Variants in UBE2G2 observed in about 807,000 individuals in gnomAD.
The protein encoded by UBE2G2 is ubiquitin conjugating enzyme E2 G2.
UBE2G2 carries 10 observed loss-of-function variants against 23.0 expected under a neutral mutation model. The ratio of observed to expected loss-of-function variants is 0.43; its 90% CI spans 0.27 to 0.74. UBE2G2 has a LOEUF of 0.74. Ranked by LOEUF, UBE2G2 falls within the 30% of genes least tolerant of loss-of-function variation. UBE2G2 has a pLI of 0.19. For missense variants in UBE2G2, 150 were observed against 218.3 expected, an observed-to-expected ratio of 0.69 and a Z score of 1.97; for synonymous variants, 86 against 81.3, an observed-to-expected ratio of 1.06 and a Z score of -0.31.
chr21:44,788,298 G>T (rs71322591), intron 1 of UBE2G2, among the ~76,000 whole-genome samples: 54,296 of 135,790 alleles, frequency 0.4, 11,953 homozygotes, highest in Non-Finnish European at 0.48. Context: ...TTTTTTTTTT[G>T]TTTTTTTTTG....
chr21:44,775,958 C>T (rs1555960534), intron 4 of UBE2G2, among the ~76,000 whole-genome samples: 1 of 152,204 alleles, frequency 6.6e-6, no homozygotes, highest in South Asian at 2.1e-4. Context: ...GCACACAAGA[C>T]TGAAGCAGCT....
At chr21:44,773,509 T>A (rs782192244) in intron 5 of UBE2G2, 38 bp downstream of exon 5, 1 of 1,587,612 alleles carries the variant, frequency 6.3e-7, no homozygotes, top group East Asian at 2.3e-5. Flanking sequence ...GCAGCCTGGG[T>A]GTCCACGGCA....
At chr21:44,784,473 T>C (rs1320082863) in intron 3 of UBE2G2, among the ~76,000 whole-genome samples, 2 of 152,210 alleles carry the variant, frequency 1.3e-5, no homozygotes, top group Non-Finnish European at 2.9e-5. Context: ...TTTGTGACAC[T>C]TTTGTTGAAG....
chr21:44,801,328 A>T, intron 1 of UBE2G2: 1 of 1,067,802 alleles, frequency 9.4e-7, no homozygotes, highest in Non-Finnish European at 1.1e-6. Context: ...TAACGCATAC[A>T]CTTTTCCCTC....
chr21:44,787,007 G>A (rs2083001204), intron 3 of UBE2G2, among the ~76,000 whole-genome samples: 1 of 151,686 alleles, frequency 6.6e-6, no homozygotes, highest in Non-Finnish European at 1.5e-5. Flanking sequence ...CAGGAGAATC[G>A]CTTGAACCCA....
At chr21:44,801,534 G>T in intron 1 of UBE2G2, 172 bp downstream of exon 1, 2 of 1,129,946 alleles carry the variant, frequency 1.8e-6, no homozygotes, top group Non-Finnish European at 2.3e-6. Context: ...TCACGCGTGA[G>T]AGTGGGCAGC....
chr21:44,790,894 TAGA>T (rs1341718248), intron 1 of UBE2G2, among the ~76,000 whole-genome samples: 5 of 152,226 alleles, frequency 3.3e-5, no homozygotes, highest in Non-Finnish European at 5.9e-5. Context: ...TTGAAGGGCT[TAGA>T]AGAAGGAAGA....
chr21:44,780,785 G>A (rs2146390531), intron 3 of UBE2G2, among the ~76,000 whole-genome samples: 1 of 152,312 alleles, frequency 6.6e-6, no homozygotes, highest in South Asian at 2.1e-4. Context: ...CAACAGTGTG[G>A]GTCACTTATA....
intron 1 of UBE2G2, among the ~76,000 whole-genome samples, chr21:44,792,043 T>C (rs1180775786): frequency 1.3e-5 from 2 of 152,246 alleles, no homozygotes; most frequent in Non-Finnish European, 2.9e-5. Flanking sequence ...TGTAGCCCTT[T>C]GTTTTGGCCA....
intron 4 of UBE2G2, chr21:44,774,399 T>C (rs1376608730): frequency 5.8e-6 from 1 of 171,920 alleles, no homozygotes; most frequent in Non-Finnish European, 1.2e-5. Flanking sequence ...GCTCCATATA[T>C]ACTCAGATAT....
At chr21:44,780,468 T>C (rs951833541) in intron 3 of UBE2G2, among the ~76,000 whole-genome samples, 19 of 152,228 alleles carry the variant, frequency 1.2e-4, no homozygotes, top group African/African-American at 4.3e-4. Flanking sequence ...GACACAAATA[T>C]ATCCAAAGCA....
At chr21:44,783,745 T>C (rs1246137341) in intron 3 of UBE2G2, among the ~76,000 whole-genome samples, 2 of 152,186 alleles carry the variant, frequency 1.3e-5, no homozygotes, top group East Asian at 3.8e-4. Context: ...AAGAATCTTT[T>C]TGGAAATGTT....
intron 1 of UBE2G2, among the ~76,000 whole-genome samples, chr21:44,796,612 T>C (rs1350129364): frequency 1.3e-5 from 2 of 152,248 alleles, no homozygotes; most frequent in Non-Finnish European, 2.9e-5. Context: ...AATAACACAC[T>C]GTATTCATCT....
intron 1 of UBE2G2, chr21:44,800,963 C>G (rs1488699087): frequency 1.3e-5 from 2 of 152,218 alleles, no homozygotes; most frequent in African/African-American, 4.8e-5. Context: ...AGCAGAGAGG[C>G]CGGGTCTGAA....
In UBE2G2 at chr21:44,771,573, C is replaced by G. The variant is rs961062444; in HGVS notation, c.386-84G>C. 2.2e-5 allele frequency: 30 copies of G among 1,373,512 alleles called. No individual in the cohort carries two copies. The Admixed American group carries it at 3.5e-4, about 16-fold the overall frequency. 85.1% of individuals were successfully genotyped at this position (1,373,512 alleles called of 1,614,324 possible). A position where few individuals can be genotyped will look rare whatever the true frequency, so the allele number is the denominator to read the frequency against. On this transcript the variant is annotated intron_variant, in intron 5 of 5. Coordinates refer to ENST00000345496, the MANE Select transcript of UBE2G2 (RefSeq NM_003343.6). This position sits in a 1 kb window ranked among gnomAD's most constrained non-coding sequence, Gnocchi z 4.6. ...CAAGGTCTCCCATTTATTTAAAACA[C>G]TGGCGGGGGCTTTCAAGAGCTGTGT... is the stretch of plus-strand genomic sequence containing the variant.
intron 3 of UBE2G2, 38 bp downstream of exon 3, chr21:44,787,882 C>A (rs782149631): frequency 1.9e-6 from 3 of 1,606,562 alleles, no homozygotes; most frequent in Admixed American, 1.7e-5. Context: ...TGACTTCCAG[C>A]AAAGCCCTAA....
chr21:44,785,311 C>T (rs1202434062), intron 3 of UBE2G2, among the ~76,000 whole-genome samples: 1 of 152,126 alleles, frequency 6.6e-6, no homozygotes, highest in African/African-American at 2.4e-5. Flanking sequence ...CAGAGTTATT[C>T]CCGGTGTTTA....
intron 4 of UBE2G2, 188 bp downstream of exon 4, chr21:44,777,111 A>G: frequency 1.7e-6 from 1 of 573,102 alleles, no homozygotes; most frequent in Non-Finnish European, 3.0e-6. Flanking sequence ...TCTATATTAA[A>G]CTGACCTTCA....
At chr21:44,786,209 T>C (rs1381583790) in intron 3 of UBE2G2, among the ~76,000 whole-genome samples, 4 of 152,138 alleles carry the variant, frequency 2.6e-5, no homozygotes, top group Non-Finnish European at 5.9e-5. Flanking sequence ...CATTAACACA[T>C]GAAACAAGCA....
Sources: allele counts gnomAD v4.1 joint callset (sites outside exome capture counted in the v4.1 genomes callset), GRCh38; gene constraint gnomAD v4.1.1; non-coding constraint Gnocchi (gnomAD v3.1); transcripts MANE v1.5; gene names NCBI Gene and HGNC (gene_info 2026-07-23, HGNC 2026-07-21).